The following KCNK2 variants were observed in gnomAD, a reference collection of about 807,000 sequenced individuals.
KCNK2 encodes potassium channel subfamily K member 2.
In KCNK2, 21 loss-of-function variants were observed where a neutral mutation model predicts 40.5. That is an observed-to-expected ratio of 0.52 (90% CI 0.37 to 0.75). KCNK2 has a LOEUF of 0.75. Among genes scored for constraint, KCNK2 ranks in the 30% least tolerant of loss-of-function variants. The pLI is 0.00. For missense variants in KCNK2, 399 were observed against 531.6 expected (o/e 0.75, Z 2.45); for synonymous variants, 191 against 202.2 (o/e 0.94, Z 0.47).
chr1:215,006,748 G>A (rs894090166), intron 1 of KCNK2, among the ~76,000 whole-genome samples: 5 of 151,688 alleles, frequency 3.3e-5, no homozygotes, highest in Non-Finnish European at 5.9e-5. Context: ...AATAGGACAC[G>A]TTTCCTGTTT....
intron 1 of KCNK2, among the ~76,000 whole-genome samples, chr1:215,021,177 A>G (rs916413927): frequency 6.6e-6 from 1 of 152,172 alleles, no homozygotes; most frequent in African/African-American, 2.4e-5. Flanking sequence ...TGCAATTCTC[A>G]GCTTACCAAC....
chr1:215,139,229 A>C (rs1435561923), intron 3 of KCNK2, among the ~76,000 whole-genome samples: 1 of 152,140 alleles, frequency 6.6e-6, no homozygotes, highest in Non-Finnish European at 1.5e-5. Flanking sequence ...TCATTCTAGG[A>C]ATCATTTATG....
intron 1 of KCNK2, among the ~76,000 whole-genome samples, chr1:215,008,863 G>A (rs546674687): frequency 5.9e-5 from 9 of 151,888 alleles, no homozygotes; most frequent in Non-Finnish European, 1.0e-4. Flanking sequence ...CAGAATGCAT[G>A]CTTTTTTTTT....
At chr1:215,195,268 C>T (rs1212007893) in intron 6 of KCNK2, among the ~76,000 whole-genome samples, 176 bp downstream of exon 6, 1 of 151,972 alleles carries the variant, frequency 6.6e-6, no homozygotes, top group Non-Finnish European at 1.5e-5. Context: ...GTAATTTATT[C>T]ACTTAGAAAA....
At chr1:215,082,388 G>A (rs12742758), upstream of KCNK2, among the ~76,000 whole-genome samples, 617 of 152,248 alleles carry the variant, frequency 4.1e-3, 2 homozygotes, top group Admixed American at 7.9e-3. Context: ...TAGTGCAGGG[G>A]TCCAAGGACT....
intron 1 of KCNK2, among the ~76,000 whole-genome samples, chr1:215,074,433 G>T (rs1369209550): frequency 6.6e-6 from 1 of 152,124 alleles, no homozygotes; most frequent in Non-Finnish European, 1.5e-5. Context: ...TTTATGTCTT[G>T]TGAATTCATT....
chr1:215,185,912 G>A (rs1664414767), intron 5 of KCNK2, among the ~76,000 whole-genome samples: 1 of 152,194 alleles, frequency 6.6e-6, no homozygotes, highest in African/African-American at 2.4e-5. Context: ...TCTTCAAACT[G>A]TGGTGTTATT....
intron 6 of KCNK2, among the ~76,000 whole-genome samples, chr1:215,232,835 A>G (rs1348979071): frequency 6.6e-6 from 1 of 152,194 alleles, no homozygotes; most frequent in Non-Finnish European, 1.5e-5. Flanking sequence ...AACCTGATGG[A>G]ATAGATTTCA....
chr1:215,025,708 C>T (rs969452482), intron 1 of KCNK2, among the ~76,000 whole-genome samples: 1 of 151,894 alleles, frequency 6.6e-6, no homozygotes, highest in Non-Finnish European at 1.5e-5. Flanking sequence ...TTTGGAAATC[C>T]ATTAGGTCTG....
chr1:215,070,609 A>G (rs1658721531), intron 1 of KCNK2, among the ~76,000 whole-genome samples: 2 of 151,982 alleles, frequency 1.3e-5, no homozygotes, highest in South Asian at 4.2e-4. Context: ...TGTGAGACTT[A>G]TTCACTATCA....
intron 1 of KCNK2, among the ~76,000 whole-genome samples, chr1:215,023,951 AATCTGCATACCTAGCT>A (rs1656902689): frequency 6.6e-6 from 1 of 152,220 alleles, no homozygotes; most frequent in Non-Finnish European, 1.5e-5. Flanking sequence ...AGAAGGATGA[AATCTGCATACCTAGCT>A]CTGCGGATTT....
At chr1:215,098,718 A>G (rs1454453466) in intron 2 of KCNK2, among the ~76,000 whole-genome samples, 1 of 151,972 alleles carries the variant, frequency 6.6e-6, no homozygotes, top group Non-Finnish European at 1.5e-5. Flanking sequence ...TTATTTGTAC[A>G]AGGAATCAAT....
chr1:215,164,791 C>A (rs1663368861), intron 3 of KCNK2, among the ~76,000 whole-genome samples: 1 of 152,136 alleles, frequency 6.6e-6, no homozygotes, highest in South Asian at 2.1e-4. Flanking sequence ...CTTTCTGTGG[C>A]ACACACTTAT....
intron 2 of KCNK2, among the ~76,000 whole-genome samples, chr1:215,092,357 A>G (rs1659726440): frequency 6.6e-6 from 1 of 152,048 alleles, no homozygotes; most frequent in South Asian, 2.1e-4. Flanking sequence ...TAATGTCAGG[A>G]GCTTAGCTTT....
intron 1 of KCNK2, among the ~76,000 whole-genome samples, chr1:215,020,365 G>A (rs1656747984): frequency 6.6e-6 from 1 of 152,184 alleles, no homozygotes; most frequent in African/African-American, 2.4e-5. Context: ...CTCATATACT[G>A]TCTCAGAAGC....
rs371847718 is a variant in KCNK2, at chr1:215,028,511, T to A, written c.34+22556T>A. Among the ~76,000 whole-genome samples, 151 of 152,350 alleles carry A rather than the reference T, an allele frequency of 9.9e-4. 5 individuals carry two copies. In the South Asian group the frequency reaches 0.031, roughly 31 times the overall value. Reference sequence around the variant, plus strand: ...CTTTTAATCTCAGCATCATCTTTCTTAATTTCCTCTTTCTACTTTCTCTTG... The same window carrying A: ...CTTTTAATCTCAGCATCATCTTTCTAAATTTCCTCTTTCTACTTTCTCTTG... On this transcript the variant is annotated intron_variant, in intron 1 of 6. Coordinates refer to the KCNK2 transcript ENST00000391895.
intron 3 of KCNK2, among the ~76,000 whole-genome samples, chr1:215,150,251 A>C (rs1348231436): frequency 6.6e-6 from 1 of 152,190 alleles, no homozygotes. Context: ...CATTTGAAGC[A>C]AGGAAAGTAA....
At chr1:215,030,107 G>T (rs1657133744) in intron 1 of KCNK2, among the ~76,000 whole-genome samples, 1 of 152,172 alleles carries the variant, frequency 6.6e-6, no homozygotes, top group Non-Finnish European at 1.5e-5. Context: ...GCCATTCTAA[G>T]AGGTAGTATC....
At chr1:215,213,155 CT>C (rs1305162430) in intron 6 of KCNK2, among the ~76,000 whole-genome samples, 1 of 152,118 alleles carries the variant, frequency 6.6e-6, no homozygotes, top group African/African-American at 2.4e-5. Context: ...ATAGACAATG[CT>C]TTTGTTACTC....
Sources: gnomAD v4.1 joint callset for allele counts (sites outside exome capture counted in the v4.1 genomes callset) on GRCh38, gnomAD v4.1.1 for gene constraint, MANE v1.5 for transcripts, NCBI Gene and HGNC (gene_info 2026-07-23, HGNC 2026-07-21) for gene names.